PIWIL2: variants seen among roughly 807,000 people sequenced by gnomAD.
The protein encoded by PIWIL2 is piwi like RNA-mediated gene silencing 2.
PIWIL2 carries 81 observed loss-of-function variants against 116.5 expected under a neutral mutation model. That is an observed-to-expected ratio of 0.70 (90% CI 0.58 to 0.84). PIWIL2 has a LOEUF of 0.84. PIWIL2 is among the 40% of genes least tolerant of loss of function. PIWIL2 has a pLI of 0.00. For missense variants in PIWIL2, 1,272 were observed against 1,212.3 expected, an observed-to-expected ratio of 1.05 and a Z score of -0.73; for synonymous variants, 489 against 429.5, an observed-to-expected ratio of 1.14 and a Z score of -1.71.
chr8:22,293,999 G>A (rs573448064), intron 10 of PIWIL2, among the ~76,000 whole-genome samples: 1 of 152,214 alleles, frequency 6.6e-6, no homozygotes, highest in South Asian at 2.1e-4. Flanking sequence ...TGTTCACTTA[G>A]TCTTCCTGTT....
At chr8:22,339,543 A>T (rs1832058902) in intron 20 of PIWIL2, among the ~76,000 whole-genome samples, 1 of 152,174 alleles carries the variant, frequency 6.6e-6, no homozygotes, top group Non-Finnish European at 1.5e-5. Flanking sequence ...GGCAACATAG[A>T]TGTAAATCTT....
intron 20 of PIWIL2, among the ~76,000 whole-genome samples, chr8:22,335,242 G>A (rs1831953542): frequency 6.6e-6 from 1 of 152,074 alleles, no homozygotes; most frequent in Non-Finnish European, 1.5e-5. Flanking sequence ...TAGCAAAAAG[G>A]TAGATGTAAA....
rs1471740254 is a variant in PIWIL2 at position 22,281,134 on chromosome 8, G to C, written c.213G>C (p.Leu71Phe). ...RGPAQRESVG[L>F]VSMFRGLGIE... ...ACTTTCCACAGGAGTCTGTGGGTTT[G>C]GTCTCCATGTTCCGAGGCCTGGGCA... The change falls in exon 3 of 23, where the codon TTG (leucine) becomes TTC (phenylalanine). Residue 71 changes from leucine (L) to phenylalanine (F), a missense_variant. By Grantham distance (22) the Leu-to-Phe change is conservative. Transcript: ENST00000356766. The C allele has an allele frequency of 1.4e-5, 23 of 1,609,528 alleles. No homozygotes were observed. Among genetic ancestry groups the C allele is most frequent in the Non-Finnish European group, 2.0e-5 (23 of 1,177,950 alleles).
Position 22,279,441 on chromosome 8 carries a change from T to C in PIWIL2, c.55T>C (p.Cys19Arg). Reference sequence around the variant, plus strand: ...CCAGTCTCCTATCCACCCATCCCAGTGCCAGGCTGTACGGATGCCAGGCTG... The same window carrying C: ...CCAGTCTCCTATCCACCCATCCCAGCGCCAGGCTGTACGGATGCCAGGCTG... ...RGQSPIHPSQCQAVRMPGCWP... is the reference protein window; with the variant it reads ...RGQSPIHPSQRQAVRMPGCWP... Residue 19 changes from cysteine (C) to arginine (R), a missense_variant, in exon 2 of 23, where the codon TGC becomes CGC. Cys to Arg is a radical substitution (Grantham distance 180, BLOSUM62 -3). Coordinates refer to ENST00000356766, the MANE Select transcript of PIWIL2 (RefSeq NM_018068.5). The C allele has an allele frequency of 6.2e-7, 1 of 1,614,110 alleles. No homozygotes were observed. Among genetic ancestry groups the C allele is most frequent in the Non-Finnish European group, 8.5e-7 (1 of 1,179,978 alleles).
Position 22,304,056 on chromosome 8 carries a change from A to G in PIWIL2, c.1217A>G (p.Gln406Arg). ...AIYQQNKEHF[Q>R]DECTKLLVGN... ...TATCAGCAGAATAAAGAACACTTCC[A>G]GGATGAGTGTACTAAGCTTCTGGTT... The change falls in exon 11 of 23, where the codon CAG becomes CGG. Residue 406 changes from glutamine to arginine, a missense_variant. Physicochemically the swap from Gln to Arg is conservative, Grantham distance 43. Coordinates refer to ENST00000356766, the MANE Select transcript of PIWIL2 (RefSeq NM_018068.5). 1 of 1,613,360 alleles carries G rather than the reference A, an allele frequency of 6.2e-7. No individual in the cohort carries two copies. Among genetic ancestry groups the G allele is most frequent in the Non-Finnish European group, 8.5e-7 (1 of 1,179,490 alleles).
chr8:22,331,399 A>G (rs976520408), intron 20 of PIWIL2, among the ~76,000 whole-genome samples: 1 of 151,470 alleles, frequency 6.6e-6, no homozygotes, highest in Non-Finnish European at 1.5e-5. Flanking sequence ...TTTAATTTCT[A>G]AAGCCCGAGG....
intron 20 of PIWIL2, among the ~76,000 whole-genome samples, chr8:22,328,317 T>A (rs1831774809): frequency 6.6e-6 from 1 of 152,226 alleles, no homozygotes; most frequent in Admixed American, 6.5e-5. Context: ...AGTAACACAC[T>A]GTTTTGATTA....
At chr8:22,293,885 A>G (rs970704413) in intron 10 of PIWIL2, among the ~76,000 whole-genome samples, 1 of 152,172 alleles carries the variant, frequency 6.6e-6, no homozygotes, top group African/African-American at 2.4e-5. Flanking sequence ...CAGAATTTTC[A>G]TGGTGAATGT....
rs1013876546 is a variant in PIWIL2 at position 22,297,943 on chromosome 8, A to G, written c.1182-6078A>G. On this transcript the variant is annotated intron_variant, in intron 10 of 22. Transcript: ENST00000356766. ...ATGCCTTATATGTATAGACAGCAGT[A>G]AAAGCAAAGCAAGCAAATGAAAAAC... Among the ~76,000 whole-genome samples, 4 of 152,342 alleles carry G rather than the reference A, an allele frequency of 2.6e-5. 1 individual carries two copies. In the South Asian group the frequency reaches 6.2e-4, roughly 24 times the overall value.
At chr8:22,334,789 G>T (rs1831942382) in intron 20 of PIWIL2, among the ~76,000 whole-genome samples, 1 of 152,040 alleles carries the variant, frequency 6.6e-6, no homozygotes, top group Non-Finnish European at 1.5e-5. Context: ...AGGTGCGGTG[G>T]CTCACACCTG....
At chr8:22,315,237 C>G (rs779957705) in intron 18 of PIWIL2, 92 bp downstream of exon 18, 62 of 749,388 alleles carry the variant, frequency 8.3e-5, no homozygotes, top group Non-Finnish European at 1.2e-4. Flanking sequence ...TTCCTCTTCT[C>G]AACACTTACT....
At chr8:22,289,824 C>T in intron 8 of PIWIL2, 23 bp from the exon 9 acceptor site, 1 of 1,443,744 alleles carries the variant, frequency 6.9e-7, no homozygotes, top group Non-Finnish European at 9.7e-7. Flanking sequence ...TATTAGAAAA[C>T]TCATACTTGC....
At chr8:22,317,809 G>C (rs1459830261) in intron 19 of PIWIL2, among the ~76,000 whole-genome samples, 7 of 151,932 alleles carry the variant, frequency 4.6e-5, no homozygotes, top group Admixed American at 3.9e-4. Context: ...ACAGGTGTCC[G>C]CCACCACGCC....
At position 22,289,867 on chromosome 8, in the gene PIWIL2, T is replaced by C; in HGVS notation, c.1007T>C (p.Met336Thr). The change falls in exon 9 of 23, where the codon ATG (methionine) becomes ACG (threonine). Residue 336 changes from methionine to threonine, a missense_variant. Coordinates refer to ENST00000356766, the MANE Select transcript of PIWIL2 (RefSeq NM_018068.5). ...VFRRVMKLLDMKLVGRNFYDP... is the reference protein window; with the variant it reads ...VFRRVMKLLDTKLVGRNFYDP... ...TTCAGGGTAATGAAACTTTTAGATA[T>C]GAAGCTTGTGGGGAGAAACTTTTAT... 3 of 1,609,246 alleles carry C rather than the reference T, an allele frequency of 1.9e-6. No homozygotes were observed. Among genetic ancestry groups the C allele is most frequent in the East Asian group, 4.5e-5 (2 of 44,834 alleles).
intron 20 of PIWIL2, among the ~76,000 whole-genome samples, chr8:22,337,159 A>T (rs1831998520): frequency 6.6e-6 from 1 of 152,192 alleles, no homozygotes; most frequent in South Asian, 2.1e-4. Context: ...TTACTCTGAT[A>T]CCAAAGCCAA....
intron 20 of PIWIL2, among the ~76,000 whole-genome samples, chr8:22,346,606 G>T (rs983194144): frequency 3.9e-5 from 6 of 152,050 alleles, no homozygotes; most frequent in African/African-American, 1.4e-4. Context: ...CTCTAGTTCA[G>T]GAGTTCTCAA....
intron 20 of PIWIL2, among the ~76,000 whole-genome samples, chr8:22,323,292 C>T (rs1831648822): frequency 2.0e-5 from 3 of 151,974 alleles, no homozygotes; most frequent in South Asian, 2.1e-4. Flanking sequence ...GGACTATAGG[C>T]GTGTGCCACC....
At chr8:22,350,090 G>C (rs1407543501) in intron 20 of PIWIL2, among the ~76,000 whole-genome samples, 1 of 152,196 alleles carries the variant, frequency 6.6e-6, no homozygotes, top group Non-Finnish European at 1.5e-5. Context: ...GCTAAATGTA[G>C]ATTCTGCAGT....
intron 20 of PIWIL2, among the ~76,000 whole-genome samples, chr8:22,333,883 TCA>T (rs1239015453): frequency 6.6e-5 from 10 of 151,886 alleles, no homozygotes; most frequent in Admixed American, 6.6e-5. Flanking sequence ...TAGCTCAGAT[TCA>T]CAGAGGCAGA....
Sources: allele counts gnomAD v4.1 joint callset (sites outside exome capture counted in the v4.1 genomes callset), GRCh38; gene constraint gnomAD v4.1.1; transcripts MANE v1.5; gene names NCBI Gene and HGNC (gene_info 2026-07-23, HGNC 2026-07-21).